The following B3GLCT variants were observed in gnomAD, a reference collection of about 807,000 sequenced individuals.
The protein encoded by B3GLCT is beta-1,3-glucosyltransferase.
B3GLCT carries 65 observed loss-of-function variants against 63.4 expected under a neutral mutation model. The ratio of observed to expected loss-of-function variants is 1.03; its 90% CI spans 0.84 to 1.26. B3GLCT has a LOEUF of 1.26. Ranked by LOEUF, B3GLCT falls within the 50% of genes most tolerant of loss-of-function variation. B3GLCT has a pLI of 0.00. For synonymous variants in B3GLCT, 233 were observed against 219.2 expected (o/e 1.06, Z -0.55); for missense variants, 577 against 604.8 (o/e 0.95, Z 0.48).
intron 3 of B3GLCT, among the ~76,000 whole-genome samples, chr13:31,223,882 A>T (rs756105023): frequency 2.6e-5 from 4 of 152,148 alleles, no homozygotes; most frequent in Non-Finnish European, 4.4e-5. Flanking sequence ...GCTCACCTCC[A>T]GTTTCATGAT....
At chr13:31,210,619 T>A (rs539799369) in intron 1 of B3GLCT, among the ~76,000 whole-genome samples, 2 of 152,376 alleles carry the variant, frequency 1.3e-5, no homozygotes, top group Admixed American at 1.3e-4. Context: ...GCACCATCTC[T>A]CTTTCATTTC....
At chr13:31,243,356 G>T (rs919085590) in intron 4 of B3GLCT, among the ~76,000 whole-genome samples, 1 of 152,198 alleles carries the variant, frequency 6.6e-6, no homozygotes, top group Admixed American at 6.5e-5. Flanking sequence ...CCAGCACCAT[G>T]TAGTTTAATT....
At chr13:31,282,207 T>A (rs1873103586) in intron 10 of B3GLCT, among the ~76,000 whole-genome samples, 1 of 152,216 alleles carries the variant, frequency 6.6e-6, no homozygotes, top group Non-Finnish European at 1.5e-5. Context: ...AATAATAGAA[T>A]GAATTCATTT....
chr13:31,329,903 C>CA lies in B3GLCT; in HGVS notation c.*236dup, dbSNP rs1198717622. ...CTTTTGACTTATGCAGTTGTTTTAA[C>CA]ACTTAGTGATGACTGTGTATTCTCC... On this transcript the variant is annotated 3_prime_UTR_variant, in exon 15 of 15. Transcript: ENST00000343307. 3 of 534,768 alleles carry CA rather than the reference C, an allele frequency of 5.6e-6. No individual in the cohort carries two copies. The highest frequency in any genetic ancestry group is 3.2e-5 in the Admixed American group (1 of 31,704). The allele number at this position is 534,768 out of a possible 1,614,324, so 33.1% of individuals were successfully genotyped here.
At chr13:31,206,767 T>C (rs1385214597) in intron 1 of B3GLCT, among the ~76,000 whole-genome samples, 1 of 150,356 alleles carries the variant, frequency 6.7e-6, no homozygotes, top group African/African-American at 2.4e-5. Context: ...AGATGATCGG[T>C]GGTTGTTTTG....
chr13:31,294,096 G>T (rs1873815288), intron 12 of B3GLCT, among the ~76,000 whole-genome samples: 2 of 152,150 alleles, frequency 1.3e-5, no homozygotes, highest in Non-Finnish European at 2.9e-5. Flanking sequence ...GAAATTCTGG[G>T]TTGAAAATTC....
At chr13:31,296,046 ACTTCT>A (rs879682408) in intron 12 of B3GLCT, among the ~76,000 whole-genome samples, 4 of 151,982 alleles carry the variant, frequency 2.6e-5, no homozygotes, top group Non-Finnish European at 5.9e-5. Context: ...GTCCCTCTTG[ACTTCT>A]CTTGGCTAGG....
intron 3 of B3GLCT, among the ~76,000 whole-genome samples, chr13:31,223,509 C>G (rs1869933179): frequency 1.3e-5 from 2 of 152,320 alleles, no homozygotes; most frequent in African/African-American, 4.8e-5. Context: ...GTTACTCCTT[C>G]CTTTGTAAGG....
At chr13:31,265,530 G>GAC (rs917354442) in intron 7 of B3GLCT, among the ~76,000 whole-genome samples, 1 of 152,168 alleles carries the variant, frequency 6.6e-6, no homozygotes, top group Non-Finnish European at 1.5e-5. Context: ...TAGCTCATGA[G>GAC]ACACACTTTC....
chr13:31,314,531 G>T (rs1357768306), intron 12 of B3GLCT, among the ~76,000 whole-genome samples: 1 of 152,086 alleles, frequency 6.6e-6, no homozygotes, highest in Admixed American at 6.5e-5. Context: ...TCTTCATTTT[G>T]GCCAATTTCT....
At chr13:31,207,121 C>A (rs1347810534) in intron 1 of B3GLCT, among the ~76,000 whole-genome samples, 2 of 152,074 alleles carry the variant, frequency 1.3e-5, no homozygotes, top group African/African-American at 2.4e-5. Context: ...TCTGTTTATC[C>A]ATCTACCTAC....
At chr13:31,228,119 A>C (rs1001514226) in intron 3 of B3GLCT, among the ~76,000 whole-genome samples, 4 of 152,208 alleles carry the variant, frequency 2.6e-5, no homozygotes, top group Non-Finnish European at 5.9e-5. Context: ...CTTCAGGTGC[A>C]TCTCTAGCAG....
rs1458766118 is a variant in B3GLCT at position 31,200,057 on chromosome 13, G to A, written c.-28G>A. On this transcript the variant is annotated 5_prime_UTR_variant, in exon 1 of 15. Transcript: ENST00000343307. ...CGCGCGTCTCCCTTCCCCGCGCCCA[G>A]GTAGGGCGCTCAGCCTCCGCCGCCA... The A allele has an allele frequency of 6.0e-6, 8 of 1,339,030 alleles. No homozygotes were observed. The African/African-American group carries it at 9.2e-5, about 15-fold the overall frequency. The allele number at this position is 1,339,030 out of a possible 1,614,324, so 82.9% of individuals were successfully genotyped here.
intron 12 of B3GLCT, among the ~76,000 whole-genome samples, chr13:31,314,865 A>G (rs1199566307): frequency 6.6e-6 from 1 of 152,214 alleles, no homozygotes; most frequent in East Asian, 1.9e-4. Context: ...GGAGGGACCC[A>G]GTGGGAGGTA....
At chr13:31,316,832 A>G (rs759405477) in intron 12 of B3GLCT, among the ~76,000 whole-genome samples, 31 of 152,290 alleles carry the variant, frequency 2.0e-4, no homozygotes, top group Admixed American at 1.0e-3. Flanking sequence ...CTGCAGTTGC[A>G]GGCATTTTTA....
At chr13:31,290,920 C>CA (rs1162620108) in intron 12 of B3GLCT, among the ~76,000 whole-genome samples, 1 of 152,178 alleles carries the variant, frequency 6.6e-6, no homozygotes, top group East Asian at 1.9e-4. Flanking sequence ...AGGTTTTAGT[C>CA]ACGAAGTCTT....
At chr13:31,251,199 C>T (rs900602240) in intron 6 of B3GLCT, among the ~76,000 whole-genome samples, 2 of 152,106 alleles carry the variant, frequency 1.3e-5, no homozygotes, top group African/African-American at 4.8e-5. Flanking sequence ...ACTCAGAGAC[C>T]CCCTCCGAAG....
At chr13:31,284,509 G>A (rs1873221602) in intron 10 of B3GLCT, 139 bp from the exon 11 acceptor site, 2 of 695,438 alleles carry the variant, frequency 2.9e-6, no homozygotes, top group Admixed American at 2.0e-5. Flanking sequence ...CTCAGGGTTG[G>A]AAGCAAGCAA....
At position 31,308,354 on chromosome 13, in the gene B3GLCT, AAAAAAAC is replaced by A. The variant is rs1408904579; in HGVS notation, c.1065-9205_1065-9199del. On this transcript the variant is annotated intron_variant, in intron 12 of 14. Transcript: ENST00000343307. The stretch of plus-strand genomic sequence containing the variant: ...TAATAAAAAAAAAAAAATTAAAAAA[AAAAAAAC>A]AAAAAAAAAAGCTAGTCCCACATGG... Among the ~76,000 whole-genome samples the A allele has an allele frequency of 5.9e-4, 17 of 28,622 alleles. 2 individuals are homozygous for A. The highest frequency in any genetic ancestry group is 3.4e-3 in the Admixed American group (6 of 1,770). The allele number at this position is 28,622 out of a possible 152,430, so 18.8% of individuals were successfully genotyped here.
Sources: gnomAD v4.1 joint callset for allele counts (sites outside exome capture counted in the v4.1 genomes callset) on GRCh38, gnomAD v4.1.1 for gene constraint, MANE v1.5 for transcripts, NCBI Gene and HGNC (gene_info 2026-07-23, HGNC 2026-07-21) for gene names.